POU6F2: variants seen among roughly 807,000 people sequenced by gnomAD.
The protein encoded by POU6F2 is POU class 6 homeobox 2, also known as POU domain, class 6, transcription factor 2.
Under a neutral mutation model 71.3 loss-of-function variants are expected in POU6F2, and 31 were observed. That is an observed-to-expected ratio of 0.43 (90% confidence interval 0.33 to 0.59). The LOEUF is 0.59. POU6F2 is among the 20% of genes least tolerant of loss of function. POU6F2 has a pLI of 0.04. For missense variants in POU6F2, 783 were observed against 856.8 expected (o/e 0.91, Z 1.07); for synonymous variants, 347 against 355.7 (o/e 0.98, Z 0.27).
chr7:39,433,205 C>T lies in POU6F2; in HGVS notation c.1242C>T (p.Ala414=), dbSNP rs1788152540. The T allele has an allele frequency of 6.2e-7, 1 of 1,613,904 alleles. No homozygotes were observed. Among genetic ancestry groups the T allele is most frequent in the Non-Finnish European group, 8.5e-7 (1 of 1,179,870 alleles). ...LLTNAQGQII[A]TVIGNQILPV... is the part of the protein sequence containing the mutation. ...CAAACGCCCAGGGCCAGATCATCGC[C>T]ACAGTCATTGGGAACCAGATCCTGC... Residue 414 remains alanine (A), a synonymous_variant, in exon 7 of 10, where the codon GCC becomes GCT. Transcript: ENST00000518318.
intron 5 of POU6F2, among the ~76,000 whole-genome samples, chr7:39,403,843 A>G (rs1233461710): frequency 2.6e-5 from 4 of 152,232 alleles, no homozygotes; most frequent in East Asian, 3.8e-4. Context: ...ACATCCATCA[A>G]CACCACCAGT....
At chr7:39,165,520 T>A (rs1158196206) in intron 2 of POU6F2, among the ~76,000 whole-genome samples, 1 of 152,200 alleles carries the variant, frequency 6.6e-6, no homozygotes. Flanking sequence ...CAGATCAAAT[T>A]TCTTTCATTA....
chr7:39,216,391 C>A (rs192263410), intron 4 of POU6F2, among the ~76,000 whole-genome samples: 1 of 151,954 alleles, frequency 6.6e-6, no homozygotes. Flanking sequence ...AAATGGGTAA[C>A]GAATATATGG....
chr7:39,010,502 G>GT (rs1482818549), intron 1 of POU6F2, among the ~76,000 whole-genome samples: 1 of 151,132 alleles, frequency 6.6e-6, no homozygotes. Flanking sequence ...TTTTTGAAGG[G>GT]TTTTTTGTGT....
At chr7:39,026,854 A>G (rs1789816724) in intron 1 of POU6F2, among the ~76,000 whole-genome samples, 1 of 152,134 alleles carries the variant, frequency 6.6e-6, no homozygotes, top group Non-Finnish European at 1.5e-5. Context: ...TTGTACTATG[A>G]TGATGGAGTA....
At chr7:39,231,235 T>C (rs1367748696) in intron 4 of POU6F2, among the ~76,000 whole-genome samples, 2 of 152,224 alleles carry the variant, frequency 1.3e-5, no homozygotes, top group African/African-American at 4.8e-5. Context: ...CTAGAAATTG[T>C]GATAAGAAAA....
At chr7:39,001,665 GTGGTGA>G (rs11279456) in intron 1 of POU6F2, among the ~76,000 whole-genome samples, 150,486 of 151,528 alleles carry the variant, frequency 0.99, 74,736 homozygotes, top group Non-Finnish European at 1. Flanking sequence ...GATAATGGTG[GTGGTGA>G]TGGTGATGGT....
At chr7:39,439,158 A>G (rs1250403552) in intron 7 of POU6F2, among the ~76,000 whole-genome samples, 1 of 150,284 alleles carries the variant, frequency 6.7e-6, no homozygotes, top group Non-Finnish European at 1.5e-5. Flanking sequence ...AGTCTATTTT[A>G]TCAGAGACTA....
chr7:39,016,160 T>C (rs1164960540), intron 1 of POU6F2, among the ~76,000 whole-genome samples: 5 of 107,600 alleles, frequency 4.6e-5, no homozygotes, highest in South Asian at 2.8e-4. Context: ...TATATAGATA[T>C]AATATTATGT....
intron 4 of POU6F2, among the ~76,000 whole-genome samples, chr7:39,338,699 G>T (rs1785838464): frequency 6.6e-6 from 1 of 151,984 alleles, no homozygotes; most frequent in African/African-American, 2.4e-5. Flanking sequence ...TGAGATTTAG[G>T]CAAAAAAGAA....
chr7:39,357,846 T>G (rs1451409293), intron 5 of POU6F2, among the ~76,000 whole-genome samples: 1 of 152,188 alleles, frequency 6.6e-6, no homozygotes, highest in Non-Finnish European at 1.5e-5. Context: ...GGGTGGGGGC[T>G]TCAGAGTACG....
chr7:39,090,875 G>A (rs1791351098), intron 2 of POU6F2, among the ~76,000 whole-genome samples: 4 of 152,174 alleles, frequency 2.6e-5, no homozygotes, highest in Admixed American at 1.3e-4. Flanking sequence ...TAAGTGAGAT[G>A]CATAAGGTAT....
At chr7:39,120,561 A>G (rs1431519433) in intron 2 of POU6F2, among the ~76,000 whole-genome samples, 1 of 152,244 alleles carries the variant, frequency 6.6e-6, no homozygotes, top group African/African-American at 2.4e-5. Context: ...TTTATAATTT[A>G]TTAACAACTC....
chr7:39,445,041 CA>C (rs1177364416), intron 7 of POU6F2, among the ~76,000 whole-genome samples: 2 of 152,132 alleles, frequency 1.3e-5, no homozygotes, highest in Admixed American at 6.5e-5. Context: ...AATTTTTCCT[CA>C]AAAGGTAATC....
At chr7:39,050,040 A>T (rs1024137021) in intron 1 of POU6F2, among the ~76,000 whole-genome samples, 1 of 151,478 alleles carries the variant, frequency 6.6e-6, no homozygotes, top group Non-Finnish European at 1.5e-5. Context: ...CTTGATTCCA[A>T]TTTTTTTTGT....
intron 2 of POU6F2, among the ~76,000 whole-genome samples, chr7:39,127,316 C>T (rs1172604730): frequency 2.0e-5 from 3 of 152,134 alleles, no homozygotes; most frequent in African/African-American, 7.2e-5. Flanking sequence ...TTACCAAAAA[C>T]GTGTCTATTT....
At chr7:39,071,192 G>A (rs185234427) in intron 1 of POU6F2, among the ~76,000 whole-genome samples, 33 of 152,220 alleles carry the variant, frequency 2.2e-4, no homozygotes, top group African/African-American at 7.0e-4. Flanking sequence ...TTGGGGTGAT[G>A]GAAGACAGTG....
chr7:39,344,617 A>G (rs1007860752), intron 5 of POU6F2, among the ~76,000 whole-genome samples: 1 of 149,984 alleles, frequency 6.7e-6, no homozygotes. Flanking sequence ...GGTCTGCCCT[A>G]TGGAAAAGAC....
At chr7:39,011,726 C>G (rs1336039528) in intron 1 of POU6F2, among the ~76,000 whole-genome samples, 8 of 150,448 alleles carry the variant, frequency 5.3e-5, no homozygotes, top group African/African-American at 2.0e-4. Flanking sequence ...CTGGTGGTGA[C>G]AAAATCTCTC....
Sources: gnomAD v4.1 joint callset for allele counts (sites outside exome capture counted in the v4.1 genomes callset) on GRCh38, gnomAD v4.1.1 for gene constraint, MANE v1.5 for transcripts, NCBI Gene and HGNC (gene_info 2026-07-23, HGNC 2026-07-21) for gene names.